The following TRRAP variants were observed in gnomAD, a reference collection of about 807,000 sequenced individuals.
TRRAP encodes transformation/transcription domain associated protein, also known as transformation/transcription domain-associated protein.
In TRRAP, 41 loss-of-function variants were observed where a neutral mutation model predicts 438.8. The ratio of observed to expected loss-of-function variants is 0.09; its 90% confidence interval spans 0.07 to 0.12. TRRAP has a LOEUF of 0.12. Ranked by LOEUF, TRRAP falls within the 10% of genes least tolerant of loss-of-function variation. The pLI is 1.00. For synonymous variants in TRRAP, 1,994 were observed against 1,962.9 expected, an observed-to-expected ratio of 1.02 and a Z score of -0.42; for missense variants, 3,122 against 5,055.1, an observed-to-expected ratio of 0.62 and a Z score of 11.60.
In TRRAP at chr7:98,893,191, C is replaced by T. The variant is rs188885676; in HGVS notation, c.367-607C>T. ...TGTCTTGAACTCCTGACCTTGTGAT[C>T]CACCCGCTTTGGCCTCCCAAAGTGC... On this transcript the variant is annotated intron_variant, in intron 5 of 72. Coordinates refer to ENST00000456197, the MANE Select transcript of TRRAP (RefSeq NM_001375524.1). Among the ~76,000 whole-genome samples, 80 of 152,290 alleles carry T rather than the reference C, an allele frequency of 5.3e-4. 1 individual carries two copies. The highest frequency in any genetic ancestry group is 1.8e-3 in the African/African-American group (76 of 41,572).
In TRRAP at chr7:99,012,281, A is replaced by T; in HGVS notation, c.11548A>T (p.Asn3850Tyr). The T allele has an allele frequency of 6.2e-7, 1 of 1,613,630 alleles. No homozygotes were observed. Among genetic ancestry groups the T allele is most frequent in the East Asian group, 2.2e-5 (1 of 44,848 alleles). The change falls in exon 73 of 73, where the codon AAC becomes TAC. Residue 3850 changes from asparagine to tyrosine, a missense_variant. Physicochemically the swap from Asn to Tyr is moderately radical, Grantham distance 143 (BLOSUM62 -2). Coordinates refer to ENST00000456197, the MANE Select transcript of TRRAP (RefSeq NM_001375524.1). This position sits in a 1 kb window ranked among gnomAD's most constrained non-coding sequence, Gnocchi z 5.9. ...AQFEGGESKVNTLVAAANSLD... is the reference protein window; with the variant it reads ...AQFEGGESKVYTLVAAANSLD... ...GTTCGAAGGCGGGGAAAGCAAGGTG[A>T]ACACCCTGGTGGCCGCGGCAAACAG...
At chr7:98,991,685 C>T (rs542437158) in intron 64 of TRRAP, among the ~76,000 whole-genome samples, 1 of 152,220 alleles carries the variant, frequency 6.6e-6, no homozygotes, top group Non-Finnish European at 1.5e-5. Context: ...ACGGACATCC[C>T]TCCATCTCCT....
At chr7:98,928,302 CCTA>C (rs1790147858) in intron 23 of TRRAP, among the ~76,000 whole-genome samples, 1 of 152,074 alleles carries the variant, frequency 6.6e-6, no homozygotes, top group Non-Finnish European at 1.5e-5. Context: ...TTTCTGAAAA[CCTA>C]CTGTCAATTT....
chr7:98,956,083 A>G lies in TRRAP; in HGVS notation c.5938-63A>G, dbSNP rs1791587855. ...GGGGTGTGTGTGTGCACGTGCGCAC[A>G]CGTGCATGCACTGTGGGACCAAGCT... On this transcript the variant is annotated intron_variant, in intron 41 of 72. Transcript: ENST00000456197. The surrounding 1 kb of genome is among the most constrained non-coding windows in gnomAD (Gnocchi z 4.5). 6.4e-7 allele frequency: 1 copy of G among 1,550,814 alleles called. No homozygotes were observed.
chr7:98,953,580 T>C, intron 40 of TRRAP, 147 bp downstream of exon 40: 1 of 1,207,352 alleles, frequency 8.3e-7, no homozygotes, highest in Non-Finnish European at 1.1e-6. Flanking sequence ...TGATTCCACT[T>C]AGAAGACCAT....
intron 70 of TRRAP, among the ~76,000 whole-genome samples, chr7:99,009,880 C>CTTTTTTTTTT (rs138174570): frequency 1.0e-5 from 1 of 96,688 alleles, no homozygotes; most frequent in Non-Finnish European, 1.9e-5. Flanking sequence ...TCATTCTTCT[C>CTTTTTTTTTT]TTTTTTTTTT....
chr7:98,939,152 T>C (rs1329527422), intron 30 of TRRAP, among the ~76,000 whole-genome samples: 1 of 152,252 alleles, frequency 6.6e-6, no homozygotes, highest in Non-Finnish European at 1.5e-5. Context: ...AATGTATTTT[T>C]CATGCTTATG....
At position 98,937,144 on chromosome 7, in the gene TRRAP, C is replaced by T. The variant is rs1185394224; in HGVS notation, c.4112-12C>T. ...GTTAATAATGGAATTGTCTTGATTTCTCTCCCTGAAGATGCACTTGCTGCC... is the reference window on the plus strand; with the variant it reads ...GTTAATAATGGAATTGTCTTGATTTTTCTCCCTGAAGATGCACTTGCTGCC... On this transcript the variant is annotated splice_polypyrimidine_tract_variant and intron_variant, in intron 28 of 72. Coordinates refer to ENST00000456197, the MANE Select transcript of TRRAP (RefSeq NM_001375524.1). 2 of 1,591,426 alleles carry T rather than the reference C, an allele frequency of 1.3e-6. No homozygotes were observed. Among genetic ancestry groups the T allele is most frequent in the African/African-American group, 1.4e-5 (1 of 73,642 alleles).
chr7:98,906,353 G>GAGCCTTGACACACCTGTTA (rs1796727234), intron 13 of TRRAP, 98 bp downstream of exon 13: 4 of 855,470 alleles, frequency 4.7e-6, no homozygotes, highest in Non-Finnish European at 7.4e-6. Flanking sequence ...ACCGGCTGTT[G>GAGCCTTGACACACCTGTTA]AGCCTTGACA....
At position 98,970,304 on chromosome 7, in the gene TRRAP, AC is replaced by A; in HGVS notation, c.7692+17del. 6.2e-7 allele frequency: 1 copy of A among 1,609,042 alleles called. No homozygotes were observed. The highest frequency in any genetic ancestry group is 8.5e-7 in the Non-Finnish European group (1 of 1,179,422). ...GTCCAAAGAGGAGGTGAGGCCCTGC[AC>A]CCCACAGGCAGAATCCCAGAGAGGA... On this transcript the variant is annotated intron_variant, in intron 52 of 72. Transcript: ENST00000456197.
chr7:98,930,260 G>A, intron 24 of TRRAP, 54 bp downstream of exon 24: 1 of 1,587,778 alleles, frequency 6.3e-7, no homozygotes, highest in Non-Finnish European at 8.6e-7. Context: ...GTACCTGAGA[G>A]TGGTCCTTCT....
At chr7:98,916,022 G>A (rs1789503645) in intron 19 of TRRAP, 134 bp downstream of exon 19, 15 of 1,201,784 alleles carry the variant, frequency 1.2e-5, no homozygotes, top group South Asian at 4.6e-5. Context: ...TGGCACATCC[G>A]CCGCCCCCCT....
At chr7:98,926,952 G>A (rs1359318058) in intron 22 of TRRAP, among the ~76,000 whole-genome samples, 1 of 152,210 alleles carries the variant, frequency 6.6e-6, no homozygotes, top group African/African-American at 2.4e-5. Context: ...CTGGGAGGTA[G>A]AGGTTGCAGT....
In TRRAP at chr7:98,971,783, CT is replaced by C. The variant is rs765176205; in HGVS notation, c.7693-15del. ...GCCTTTGACCTTTTGGTTTTGCTTG[CT>C]GCTTTGTTTCTTAGGATGTAGAGAT... is the stretch of plus-strand genomic sequence containing the variant. On this transcript the variant is annotated splice_polypyrimidine_tract_variant and intron_variant, in intron 52 of 72. Transcript: ENST00000456197. The C allele has an allele frequency of 1.8e-4, 283 of 1,609,222 alleles. No homozygotes were observed. The highest frequency in any genetic ancestry group is 2.0e-4 in the Non-Finnish European group (230 of 1,178,128).
intron 30 of TRRAP, among the ~76,000 whole-genome samples, chr7:98,938,399 G>C (rs1295398060): frequency 1.3e-5 from 2 of 152,114 alleles, no homozygotes; most frequent in African/African-American, 4.8e-5. Context: ...GGTGTAAAAG[G>C]ATGTACTGCA....
At chr7:98,990,655 AAAC>A in intron 64 of TRRAP, 36 bp downstream of exon 64, 1 of 1,574,876 alleles carries the variant, frequency 6.3e-7, no homozygotes, top group Non-Finnish European at 8.7e-7. Context: ...CACGTGCACA[AAAC>A]ATTGTGTCTT....
chr7:98,893,987 T>A, intron 6 of TRRAP, 106 bp downstream of exon 6: 1 of 987,196 alleles, frequency 1.0e-6, no homozygotes, highest in Non-Finnish European at 1.5e-6. Context: ...TGTTTTCAAG[T>A]GTAGAAATAC....
At chr7:98,879,689 G>T (rs527858030) in intron 1 of TRRAP, among the ~76,000 whole-genome samples, 1 of 152,320 alleles carries the variant, frequency 6.6e-6, no homozygotes, top group Admixed American at 6.5e-5. Flanking sequence ...CCCCCGCCTT[G>T]GTTTCCTTCT....
At chr7:98,921,405 C>T (rs542633872) in intron 20 of TRRAP, among the ~76,000 whole-genome samples, 3 of 152,142 alleles carry the variant, frequency 2.0e-5, no homozygotes, top group African/African-American at 7.2e-5. Flanking sequence ...CATGGAGTCT[C>T]GCCCTTGTCA....
Sources: gnomAD v4.1 joint callset for allele counts (sites outside exome capture counted in the v4.1 genomes callset) on GRCh38, gnomAD v4.1.1 for gene constraint, Gnocchi (gnomAD v3.1) non-coding constraint, MANE v1.5 for transcripts, NCBI Gene and HGNC (gene_info 2026-07-23, HGNC 2026-07-21) for gene names.